Variants in CADM2 observed in about 807,000 individuals in gnomAD.
CADM2 encodes the protein cell adhesion molecule 2.
In CADM2, 12 loss-of-function variants were observed where a neutral mutation model predicts 49.8. The observed-to-expected ratio is 0.24, with a 90% confidence interval of 0.15 to 0.39. CADM2 has a LOEUF of 0.39. CADM2 is among the 10% of genes least tolerant of loss of function. The pLI, the probability that CADM2 is intolerant of heterozygous loss-of-function variation, is 1.00. For missense variants in CADM2, 378 were observed against 492.3 expected, an observed-to-expected ratio of 0.77 and a Z score of 2.20; for synonymous variants, 214 against 175.4, an observed-to-expected ratio of 1.22 and a Z score of -1.74.
chr3:85,020,104 A>G (rs551346659), intron 1 of CADM2, among the ~76,000 whole-genome samples: 1 of 152,282 alleles, frequency 6.6e-6, no homozygotes, highest in South Asian at 2.1e-4. Context: ...GATTTCTGAA[A>G]TACAATTTAT....
At chr3:85,632,566 C>T (rs1005349773) in intron 1 of CADM2, among the ~76,000 whole-genome samples, 1 of 151,990 alleles carries the variant, frequency 6.6e-6, no homozygotes, top group Non-Finnish European at 1.5e-5. Context: ...TTTTCAGCAC[C>T]ATATGGTTTG....
intron 1 of CADM2, among the ~76,000 whole-genome samples, chr3:85,627,160 A>G (rs927729219): frequency 6.6e-6 from 1 of 151,880 alleles, no homozygotes; most frequent in Admixed American, 6.6e-5. Flanking sequence ...TGTGTCTGAT[A>G]CTTACAGTCA....
At chr3:86,024,964 C>A (rs1256093635) in intron 8 of CADM2, among the ~76,000 whole-genome samples, 1 of 151,896 alleles carries the variant, frequency 6.6e-6, no homozygotes, top group Non-Finnish European at 1.5e-5. Flanking sequence ...TTGCACCTTC[C>A]ACCTCCCAGG....
chr3:85,136,800 C>G (rs905598424), intron 1 of CADM2, among the ~76,000 whole-genome samples: 2 of 151,930 alleles, frequency 1.3e-5, no homozygotes, highest in African/African-American at 4.8e-5. Flanking sequence ...TGAACCCACT[C>G]TATTTTAAGT....
At chr3:85,561,185 G>A (rs941107337) in intron 1 of CADM2, among the ~76,000 whole-genome samples, 2 of 152,014 alleles carry the variant, frequency 1.3e-5, no homozygotes, top group African/African-American at 4.8e-5. Flanking sequence ...CATTGTTCAT[G>A]TTCAGATTTT....
intron 1 of CADM2, among the ~76,000 whole-genome samples, chr3:85,568,612 CTT>C (rs1234630468): frequency 4.5e-5 from 5 of 111,058 alleles, no homozygotes; most frequent in African/African-American, 1.5e-4. Flanking sequence ...TCCTCTCTTT[CTT>C]TTTTTTTTTT....
intron 1 of CADM2, among the ~76,000 whole-genome samples, chr3:85,419,773 A>C (rs1229058114): frequency 6.6e-6 from 1 of 152,200 alleles, no homozygotes; most frequent in East Asian, 1.9e-4. Context: ...ACAACTACTA[A>C]TAATAAACCT....
At chr3:85,231,970 G>A (rs143131908) in intron 1 of CADM2, among the ~76,000 whole-genome samples, 76 of 151,396 alleles carry the variant, frequency 5.0e-4, no homozygotes, top group African/African-American at 1.7e-3. Context: ...CCAGCTCAGC[G>A]TCCCAAAGTG....
intron 1 of CADM2, among the ~76,000 whole-genome samples, chr3:85,656,337 C>A (rs1270451486): frequency 6.6e-6 from 1 of 152,016 alleles, no homozygotes; most frequent in Non-Finnish European, 1.5e-5. Context: ...TTAAGAAAAG[C>A]CGGGCGCAGT....
At chr3:85,775,726 T>TTA (rs1418010049) in intron 2 of CADM2, among the ~76,000 whole-genome samples, 1 of 151,856 alleles carries the variant, frequency 6.6e-6, no homozygotes, top group Non-Finnish European at 1.5e-5. Context: ...ATTATTTCAG[T>TTA]TATATACAAT....
chr3:85,257,173 C>T (rs1576224530), intron 1 of CADM2, among the ~76,000 whole-genome samples: 1 of 152,088 alleles, frequency 6.6e-6, no homozygotes, highest in East Asian at 1.9e-4. Flanking sequence ...TCAATACTTG[C>T]TCTTAACCAC....
chr3:85,099,301 A>G (rs1455832892), intron 1 of CADM2, among the ~76,000 whole-genome samples: 4 of 152,146 alleles, frequency 2.6e-5, no homozygotes, highest in Non-Finnish European at 5.9e-5. Context: ...AAAGTCCAAT[A>G]ACATAACATG....
intron 2 of CADM2, among the ~76,000 whole-genome samples, chr3:85,766,545 G>T (rs1469785262): frequency 1.3e-5 from 2 of 152,208 alleles, no homozygotes; most frequent in African/African-American, 4.8e-5. Flanking sequence ...AGTGGCACAT[G>T]CCTTGCACAT....
chr3:85,437,974 A>G (rs9821126), intron 1 of CADM2, among the ~76,000 whole-genome samples: 4,592 of 152,168 alleles, frequency 0.03, 114 homozygotes, highest in Non-Finnish European at 0.043. Flanking sequence ...TTTATTGTGC[A>G]AAGTATTAAC....
intron 1 of CADM2, among the ~76,000 whole-genome samples, chr3:85,219,158 AAAG>A (rs2107788238): frequency 6.6e-6 from 1 of 152,348 alleles, no homozygotes; most frequent in South Asian, 2.1e-4. Flanking sequence ...AGGAATACAA[AAAG>A]AATAGTATGA....
intron 1 of CADM2, among the ~76,000 whole-genome samples, chr3:85,567,765 G>T (rs2062310998): frequency 6.6e-6 from 1 of 152,192 alleles, no homozygotes; most frequent in South Asian, 2.1e-4. Flanking sequence ...AAGAAACAAG[G>T]AGGCTGGTAG....
chr3:85,101,878 T>C (rs184480825), intron 1 of CADM2, among the ~76,000 whole-genome samples: 1 of 152,294 alleles, frequency 6.6e-6, no homozygotes, highest in Non-Finnish European at 1.5e-5. Flanking sequence ...TCACAGTTGA[T>C]GTCAAGGCAG....
chr3:85,703,817 A>G (rs889762044), intron 1 of CADM2, among the ~76,000 whole-genome samples: 1 of 152,136 alleles, frequency 6.6e-6, no homozygotes, highest in African/African-American at 2.4e-5. Flanking sequence ...TTCACATTCA[A>G]CAGGAACTGA....
intron 1 of CADM2, among the ~76,000 whole-genome samples, chr3:85,254,006 G>A (rs184598771): frequency 3.9e-5 from 6 of 151,988 alleles, no homozygotes; most frequent in Admixed American, 3.9e-4. Flanking sequence ...ATGGTTGAAG[G>A]CTCAGCCCCC....
Sources: gnomAD v4.1 joint callset for allele counts (sites outside exome capture counted in the v4.1 genomes callset) on GRCh38, gnomAD v4.1.1 for gene constraint, MANE v1.5 for transcripts, NCBI Gene and HGNC (gene_info 2026-07-23, HGNC 2026-07-21) for gene names.